FRYL: variants seen among roughly 807,000 people sequenced by gnomAD.
FRYL encodes the protein FRY like transcription coactivator.
FRYL carries 150 observed loss-of-function variants against 351.2 expected under a neutral mutation model. That is an observed-to-expected ratio of 0.43 (90% CI 0.37 to 0.49). The LOEUF is 0.49. FRYL is among the 20% of genes least tolerant of loss of function. The probability of loss-of-function intolerance (pLI) is 0.00; values close to 1 mark genes in which losing one functional copy is unlikely to be tolerated. For synonymous variants in FRYL, 1,153 were observed against 1,257.1 expected, an observed-to-expected ratio of 0.92 and a Z score of 1.75; for missense variants, 3,036 against 3,619.3, an observed-to-expected ratio of 0.84 and a Z score of 4.13.
At chr4:48,741,008 G>T (rs887877902) in intron 1 of FRYL, among the ~76,000 whole-genome samples, 11 of 151,130 alleles carry the variant, frequency 7.3e-5, no homozygotes, top group African/African-American at 2.7e-4. Context: ...ACAAGACATT[G>T]TTCTGTCGGT....
Position 48,544,783 on chromosome 4 carries a change from C to G in FRYL, c.5401G>C (p.Glu1801Gln). 6.3e-7 allele frequency: 1 copy of G among 1,576,344 alleles called. No individual in the cohort carries two copies. Among genetic ancestry groups the G allele is most frequent in the Non-Finnish European group, 8.6e-7 (1 of 1,166,994 alleles). Residue 1801 changes from glutamate to glutamine, a missense_variant and splice_region_variant, in exon 43 of 64, where the codon GAA becomes CAA. By Grantham distance (29) the Glu-to-Gln change is conservative. Transcript: ENST00000358350. ...VVSVFKQSSS[E>Q]GIHLEHHLSE... ...AACTAAAATATTTCTTAAAAGATAC[C>G]TGAGCTTGACTGCTTAAAAACAGAA...
At chr4:48,643,797 A>G (rs541352953) in intron 3 of FRYL, among the ~76,000 whole-genome samples, 1 of 152,334 alleles carries the variant, frequency 6.6e-6, no homozygotes, top group South Asian at 2.1e-4. Context: ...ATAGGACTTC[A>G]TACAGAGGAA....
intron 31 of FRYL, 74 bp downstream of exon 31, chr4:48,563,874 T>C: frequency 6.6e-7 from 1 of 1,510,454 alleles, no homozygotes; most frequent in Admixed American, 2.1e-5. Flanking sequence ...GTCTTCCTAT[T>C]TTTGAATTCA....
At chr4:48,675,040 ATTTCTTT>A (rs1370000173) in intron 3 of FRYL, among the ~76,000 whole-genome samples, 2 of 152,050 alleles carry the variant, frequency 1.3e-5, no homozygotes, top group Non-Finnish European at 2.9e-5. Context: ...TCAAGTTTCA[ATTTCTTT>A]TTTCTTTTTT....
At chr4:48,698,002 C>T (rs889652245) in intron 2 of FRYL, among the ~76,000 whole-genome samples, 3 of 152,176 alleles carry the variant, frequency 2.0e-5, no homozygotes, top group African/African-American at 7.2e-5. Context: ...TTAACATTTA[C>T]TGGGGATCAA....
intron 7 of FRYL, among the ~76,000 whole-genome samples, chr4:48,610,496 A>G (rs527506370): frequency 1.3e-5 from 2 of 151,552 alleles, no homozygotes; most frequent in South Asian, 2.1e-4. Flanking sequence ...TTAACCAAAT[A>G]ATGTATCTTT....
At chr4:48,639,734 T>A (rs1754965862) in intron 3 of FRYL, among the ~76,000 whole-genome samples, 1 of 151,690 alleles carries the variant, frequency 6.6e-6, no homozygotes, top group African/African-American at 2.4e-5. Context: ...AGCCACAGAT[T>A]GGGAGAAAAA....
chr4:48,562,239 C>T (rs1350374233), intron 32 of FRYL, among the ~76,000 whole-genome samples: 47 of 151,604 alleles, frequency 3.1e-4, no homozygotes, highest in Admixed American at 2.8e-3. Context: ...GAGGACCTTT[C>T]GACATTACAC....
chr4:48,697,835 G>A (rs1766345372), intron 2 of FRYL, among the ~76,000 whole-genome samples: 1 of 152,162 alleles, frequency 6.6e-6, no homozygotes, highest in South Asian at 2.1e-4. Context: ...ATTTGCATTG[G>A]CAAAGAAGAA....
Position 48,547,785 on chromosome 4 carries a change from G to C in FRYL, c.4889-16C>G. On this transcript the variant is annotated splice_polypyrimidine_tract_variant and intron_variant, in intron 40 of 63. Coordinates refer to ENST00000358350, the MANE Select transcript of FRYL (RefSeq NM_015030.2). The stretch of plus-strand genomic sequence containing the variant: ...TGGTCAAACCCTAAAAAGGATAGTA[G>C]AGAAACATTATCAATAAAGAGAAAT... 1 of 1,400,530 alleles carries C rather than the reference G, an allele frequency of 7.1e-7. No individual in the cohort carries two copies. The highest frequency in any genetic ancestry group is 9.5e-7 in the Non-Finnish European group (1 of 1,056,926). The allele number at this position is 1,400,530 out of a possible 1,614,324, so 86.8% of individuals were successfully genotyped here. A position where few individuals can be genotyped will look rare whatever the true frequency, so the allele number is the denominator to read the frequency against.
chr4:48,776,692 G>A (rs1776058116), intron 1 of FRYL, among the ~76,000 whole-genome samples: 1 of 152,046 alleles, frequency 6.6e-6, no homozygotes, highest in African/African-American at 2.4e-5. Flanking sequence ...ATCTGAGCAG[G>A]GCCAGATGGA....
intron 3 of FRYL, among the ~76,000 whole-genome samples, chr4:48,664,075 G>GA (rs897279536): frequency 6.6e-6 from 1 of 152,098 alleles, no homozygotes; most frequent in Non-Finnish European, 1.5e-5. Flanking sequence ...AGCCCAAAAA[G>GA]AAAAAAGGAT....
chr4:48,722,187 C>T (rs1769553147), intron 1 of FRYL, among the ~76,000 whole-genome samples: 1 of 152,088 alleles, frequency 6.6e-6, no homozygotes, highest in South Asian at 2.1e-4. Flanking sequence ...AAGGGTAGTG[C>T]CTGAGGACTT....
chr4:48,759,176 C>T (rs1468983012), intron 1 of FRYL, among the ~76,000 whole-genome samples: 5 of 152,048 alleles, frequency 3.3e-5, no homozygotes, highest in Admixed American at 3.3e-4. Flanking sequence ...CACATGTATA[C>T]ATATGTAACA....
intron 47 of FRYL, among the ~76,000 whole-genome samples, chr4:48,539,626 C>T (rs1054386628): frequency 6.6e-6 from 1 of 151,696 alleles, no homozygotes. Context: ...CTTTGCTTAT[C>T]ATGTATTTGT....
intron 42 of FRYL, among the ~76,000 whole-genome samples, chr4:48,545,583 G>C (rs1259190954): frequency 6.6e-6 from 1 of 152,066 alleles, no homozygotes; most frequent in African/African-American, 2.4e-5. Context: ...ACTCTCCCAA[G>C]CTTTCCATAA....
At chr4:48,703,063 G>A (rs1766941996) in intron 2 of FRYL, among the ~76,000 whole-genome samples, 1 of 152,120 alleles carries the variant, frequency 6.6e-6, no homozygotes, top group South Asian at 2.1e-4. Context: ...TCTCAGGAGA[G>A]CAGATCTTGA....
At chr4:48,648,723 A>T (rs1056138239) in intron 3 of FRYL, among the ~76,000 whole-genome samples, 26 of 152,216 alleles carry the variant, frequency 1.7e-4, no homozygotes, top group African/African-American at 5.8e-4. Flanking sequence ...TTATGACATA[A>T]ATGAACCTTG....
At chr4:48,701,147 T>C (rs1441705301) in intron 2 of FRYL, among the ~76,000 whole-genome samples, 6 of 152,252 alleles carry the variant, frequency 3.9e-5, no homozygotes, top group Admixed American at 3.9e-4. Flanking sequence ...GTTTAGTTTC[T>C]ACTATATTTC....
Sources: gnomAD v4.1 joint callset for allele counts (sites outside exome capture counted in the v4.1 genomes callset) on GRCh38, gnomAD v4.1.1 for gene constraint, MANE v1.5 for transcripts, NCBI Gene and HGNC (gene_info 2026-07-23, HGNC 2026-07-21) for gene names.